Variants in PRKCB observed in about 807,000 individuals in gnomAD.
The protein encoded by PRKCB is protein kinase C beta type.
A neutral mutation model predicts 81.5 loss-of-function variants in PRKCB; 13 were observed. The observed-to-expected ratio is 0.16, with a 90% CI of 0.10 to 0.25. The LOEUF (loss-of-function observed/expected upper bound fraction) is 0.25. Among genes scored for constraint, PRKCB ranks in the 10% least tolerant of loss-of-function variants. PRKCB has a pLI of 1.00. For missense variants in PRKCB, 509 were observed against 875.7 expected (o/e 0.58, Z 5.29); for synonymous variants, 335 against 321.4 (o/e 1.04, Z -0.45).
At chr16:23,970,646 C>T (rs1964543691) in intron 2 of PRKCB, among the ~76,000 whole-genome samples, 1 of 152,172 alleles carries the variant, frequency 6.6e-6, no homozygotes, top group African/African-American at 2.4e-5. Flanking sequence ...CTAAATCTTT[C>T]CAATGCTTTA....
chr16:24,097,105 C>T lies in PRKCB; in HGVS notation c.821+2808C>T, dbSNP rs548727401. Among the ~76,000 whole-genome samples, 79 of 137,696 alleles carry T rather than the reference C, an allele frequency of 5.7e-4. 1 individual carries two copies. The highest frequency in any genetic ancestry group is 1.8e-3 in the African/African-American group (67 of 36,986). The allele number at this position is 137,696 out of a possible 152,430, so 90.3% of individuals were successfully genotyped here. A position where few individuals can be genotyped will look rare whatever the true frequency, so the allele number is the denominator to read the frequency against. ...AGGCTGGAGTGCAGTGGTGTGATCT[C>T]GGCTCACTGCAACCTCTGCCTCCTG... On this transcript the variant is annotated intron_variant, in intron 7 of 16. Transcript: ENST00000643927.
chr16:24,215,678 A>G lies in PRKCB; in HGVS notation c.*862A>G. The G allele has an allele frequency of 5.1e-6, 5 of 985,578 alleles. No individual in the cohort carries two copies. The highest frequency in any genetic ancestry group is 6.0e-6 in the Non-Finnish European group (5 of 829,648). The allele number at this position is 985,578 out of a possible 1,614,324, so 61.1% of individuals were successfully genotyped here. On this transcript the variant is annotated 3_prime_UTR_variant, in exon 17 of 17. Coordinates refer to ENST00000643927, the MANE Select transcript of PRKCB (RefSeq NM_002738.7). ...AAAAAGAAAAAAAAAGGTGACTCAC[A>G]TTGTTACACATGCTTTAAAATATGT...
intron 2 of PRKCB, among the ~76,000 whole-genome samples, chr16:23,890,754 T>G (rs146847950): frequency 2.0e-4 from 30 of 152,312 alleles, no homozygotes; most frequent in African/African-American, 7.0e-4. Flanking sequence ...GAGCCTGCCT[T>G]TCTTCTGGGA....
chr16:23,952,571 G>A (rs569782619), intron 2 of PRKCB, among the ~76,000 whole-genome samples: 7 of 152,248 alleles, frequency 4.6e-5, no homozygotes, highest in South Asian at 4.1e-4. Flanking sequence ...TCCCAGAGGC[G>A]CTCTTGTGAG....
rs573967289 is a variant in PRKCB, at chr16:24,061,087, G to T, written c.529+25540G>T. ...TTAATCTTTTTTTTTTTGAGACAGG[G>T]TCTTGCTCTGTTGCTCAGGCTGGAG... On this transcript the variant is annotated intron_variant, in intron 5 of 16. Transcript: ENST00000643927. 3.3e-5 allele frequency among the ~76,000 whole-genome samples: 5 copies of T among 151,846 alleles called. No homozygotes were observed. In the East Asian group the frequency reaches 9.7e-4, roughly 29 times the overall value.
At chr16:24,087,273 A>G (rs1033252724) in intron 5 of PRKCB, among the ~76,000 whole-genome samples, 7 of 152,354 alleles carry the variant, frequency 4.6e-5, no homozygotes, top group South Asian at 2.1e-4. Flanking sequence ...ACAAAGAGGC[A>G]TTATATTGCC....
At chr16:24,166,327 G>A (rs1365824384) in intron 10 of PRKCB, among the ~76,000 whole-genome samples, 1 of 152,152 alleles carries the variant, frequency 6.6e-6, no homozygotes, top group Non-Finnish European at 1.5e-5. Flanking sequence ...TTTTAGTAGA[G>A]GAGGCAGAGA....
chr16:24,212,956 C>G (rs1567414936), intron 16 of PRKCB, among the ~76,000 whole-genome samples: 2 of 152,006 alleles, frequency 1.3e-5, no homozygotes, highest in Non-Finnish European at 2.9e-5. Context: ...CCCGCTGGCC[C>G]CTTCCCCACT....
intron 5 of PRKCB, among the ~76,000 whole-genome samples, chr16:24,053,699 C>G (rs1965869444): frequency 6.6e-6 from 1 of 152,138 alleles, no homozygotes; most frequent in South Asian, 2.1e-4. Flanking sequence ...AGGAGGGAGC[C>G]ATGCATCTCC....
intron 2 of PRKCB, among the ~76,000 whole-genome samples, chr16:23,864,783 C>T (rs555996945): frequency 2.0e-5 from 3 of 151,894 alleles, no homozygotes; most frequent in Non-Finnish European, 2.9e-5. Context: ...AGTTTCGTTA[C>T]GTGGTTATGG....
intron 12 of PRKCB, 60 bp downstream of exon 12, chr16:24,174,640 C>T (rs939213047): frequency 2.6e-5 from 37 of 1,414,190 alleles, no homozygotes; most frequent in Non-Finnish European, 3.5e-5. Flanking sequence ...CCCTGCCCTG[C>T]CTCTTTCTTC....
chr16:24,211,095 A>C (rs1488647149), intron 16 of PRKCB, among the ~76,000 whole-genome samples: 1 of 152,216 alleles, frequency 6.6e-6, no homozygotes, highest in African/African-American at 2.4e-5. Context: ...ACTGGCCAGC[A>C]GAAAAGACCC....
chr16:23,961,679 C>A (rs932434390), intron 2 of PRKCB, among the ~76,000 whole-genome samples: 2 of 152,100 alleles, frequency 1.3e-5, no homozygotes, highest in Non-Finnish European at 1.5e-5. Context: ...TGCTTGGGAC[C>A]AGAAGCATTT....
At chr16:23,935,808 T>C (rs2141762409) in intron 2 of PRKCB, among the ~76,000 whole-genome samples, 1 of 152,164 alleles carries the variant, frequency 6.6e-6, no homozygotes, top group East Asian at 1.9e-4. Flanking sequence ...TTCTCACTGA[T>C]AAGGGAGAGC....
intron 2 of PRKCB, among the ~76,000 whole-genome samples, chr16:23,964,971 C>T (rs533736907): frequency 6.6e-6 from 1 of 152,236 alleles, no homozygotes; most frequent in South Asian, 2.1e-4. Context: ...TGCCTGGTCT[C>T]ATGAGTCTTG....
intron 11 of PRKCB, among the ~76,000 whole-genome samples, chr16:24,173,640 G>A (rs1251850005): frequency 6.6e-6 from 1 of 152,174 alleles, no homozygotes; most frequent in East Asian, 1.9e-4. Context: ...GACATGTCAA[G>A]ACACTTTACA....
intron 5 of PRKCB, among the ~76,000 whole-genome samples, chr16:24,079,002 C>A (rs1245169722): frequency 1.3e-5 from 2 of 152,162 alleles, no homozygotes; most frequent in Admixed American, 1.3e-4. Flanking sequence ...GCCATCATAT[C>A]CCCTGTGACC....
At position 23,986,005 on chromosome 16, in the gene PRKCB, C is replaced by T. The variant is rs114813817; in HGVS notation, c.206-2503C>T. Among the ~76,000 whole-genome samples, 710 of 152,144 alleles carry T rather than the reference C, an allele frequency of 4.7e-3. 9 individuals carry two copies. The highest frequency in any genetic ancestry group is 0.017 in the African/African-American group (690 of 41,480). ...TAAAGGATGCTGGGACAATTGGTTA[C>T]CTCTTTGGAAAAAAATGGCAAATTG... On this transcript the variant is annotated intron_variant, in intron 2 of 16. Transcript: ENST00000643927.
In PRKCB at chr16:24,180,802, T is replaced by G; in HGVS notation, c.1407T>G (p.Leu469=). Residue 469 remains leucine (L), a synonymous_variant, in exon 13 of 17, where the codon CTT becomes CTG. Coordinates refer to ENST00000643927, the MANE Select transcript of PRKCB (RefSeq NM_002738.7). ...SKGIIYRDLK[L]DNVMLDSEGH... is the part of the protein sequence containing the mutation. ...GTGTCTGCCATAGTGACCTAAAACT[T>G]GACAACGTGATGCTCGATTCTGAGG... The G allele has an allele frequency of 6.2e-7, 1 of 1,614,054 alleles. No individual in the cohort carries two copies. Among genetic ancestry groups the G allele is most frequent in the Non-Finnish European group, 8.5e-7 (1 of 1,179,946 alleles).
Sources: gnomAD v4.1 joint callset for allele counts (sites outside exome capture counted in the v4.1 genomes callset) on GRCh38, gnomAD v4.1.1 for gene constraint, MANE v1.5 for transcripts, NCBI Gene and HGNC (gene_info 2026-07-23, HGNC 2026-07-21) for gene names.